Variants in ANKRD27 observed in about 807,000 individuals in gnomAD.
ANKRD27 encodes ankyrin repeat domain-containing protein 27.
In ANKRD27, 112 loss-of-function variants were observed where a neutral mutation model predicts 129.7. The observed-to-expected ratio is 0.86, with a 90% CI of 0.74 to 1.01. The LOEUF is 1.01. ANKRD27 is among the 50% of genes least tolerant of loss of function. ANKRD27 has a pLI of 0.00. For missense variants in ANKRD27, 1,258 were observed against 1,300.5 expected, an observed-to-expected ratio of 0.97 and a Z score of 0.50; for synonymous variants, 516 against 511.2, an observed-to-expected ratio of 1.01 and a Z score of -0.13.
chr19:32,611,860 C>T (rs74558262), intron 22 of ANKRD27, among the ~76,000 whole-genome samples: 7 of 152,096 alleles, frequency 4.6e-5, no homozygotes, highest in Non-Finnish European at 1.0e-4. Context: ...GGATTACAGG[C>T]GTGAGCCATC....
At chr19:32,600,105 T>C in intron 26 of ANKRD27, 55 bp from the exon 27 acceptor site, 2 of 1,300,438 alleles carry the variant, frequency 1.5e-6, no homozygotes, top group Non-Finnish European at 2.2e-6. Context: ...TAAAGATTAT[T>C]TTAAAATTAC....
Position 32,626,801 on chromosome 19 carries a change from C to T in ANKRD27, c.1447G>A (p.Val483Ile). Residue 483 changes from valine (V) to isoleucine (I), a missense_variant, in exon 16 of 29, where the codon GTT (valine) becomes ATT (isoleucine). By Grantham distance (29) the Val-to-Ile change is conservative (BLOSUM62 3). Transcript: ENST00000306065. Reference protein sequence around the residue: ...CGQASLIDLLVSKGAMVNATD... With the variant: ...CGQASLIDLLISKGAMVNATD... Reference sequence around the variant, plus strand: ...GCATTTACCATGGCGCCCTTGGAAACCAGGAGGTCGATGAGGGATGCCTGC... The same window carrying T: ...GCATTTACCATGGCGCCCTTGGAAATCAGGAGGTCGATGAGGGATGCCTGC... 6.2e-7 allele frequency: 1 copy of T among 1,611,514 alleles called. No individual in the cohort carries two copies. Among genetic ancestry groups the T allele is most frequent in the South Asian group, 1.1e-5 (1 of 90,468 alleles).
At chr19:32,665,906 C>T (rs1967745277) in intron 1 of ANKRD27, among the ~76,000 whole-genome samples, 1 of 151,480 alleles carries the variant, frequency 6.6e-6, no homozygotes, top group African/African-American at 2.4e-5. Context: ...AGACTACAGA[C>T]TACACGCCAC....
chr19:32,615,830 A>G (rs1224264464), intron 21 of ANKRD27, 50 bp from the exon 22 acceptor site: 24 of 1,590,104 alleles, frequency 1.5e-5, no homozygotes, highest in Admixed American at 5.2e-5. Context: ...GCGTCTTTGC[A>G]TGCACAATAT....
intron 12 of ANKRD27, chr19:32,637,365 C>T (rs1186995182): frequency 6.6e-6 from 1 of 152,186 alleles, no homozygotes; most frequent in African/African-American, 2.4e-5. Flanking sequence ...AACAGGCCAG[C>T]AGGACAACCA....
chr19:32,622,957 A>AT lies in ANKRD27; in HGVS notation c.1630-339dup, dbSNP rs77480294. 2.9e-3 allele frequency among the ~76,000 whole-genome samples: 401 copies of AT among 137,568 alleles called. 2 individuals are homozygous for AT. The highest frequency in any genetic ancestry group is 9.0e-3 in the African/African-American group (334 of 37,160). The allele number at this position is 137,568 out of a possible 152,430, so 90.2% of individuals were successfully genotyped here. On this transcript the variant is annotated intron_variant, in intron 17 of 28. Transcript: ENST00000306065. The stretch of plus-strand genomic sequence containing the variant: ...CATGCCTGGATGGTTTTTTTTTTTA[A>AT]TTTTTTTTTTTTCCTGTAGAGACAG...
intron 1 of ANKRD27, among the ~76,000 whole-genome samples, chr19:32,659,275 T>C (rs1000486858): frequency 6.6e-6 from 1 of 152,002 alleles, no homozygotes; most frequent in African/African-American, 2.4e-5. Context: ...AAGACAGGGT[T>C]TTGCCATGTT....
Position 32,628,174 on chromosome 19 carries a change from C to A in ANKRD27, c.1338-9G>T. 3.7e-6 allele frequency: 6 copies of A among 1,612,608 alleles called. No individual in the cohort carries two copies. The highest frequency in any genetic ancestry group is 4.2e-6 in the Non-Finnish European group (5 of 1,178,638). On this transcript the variant is annotated splice_polypyrimidine_tract_variant and intron_variant, in intron 14 of 28. Coordinates refer to ENST00000306065, the MANE Select transcript of ANKRD27 (RefSeq NM_032139.3). ...AGGGATCATTCAACCTCCTAAAATA[C>A]AGAAAGAGATAGAAAACTACACAGG...
Position 32,631,387 on chromosome 19 carries a change from G to A in ANKRD27, c.1209+15C>T. ...CTCACCCACATTTACCCACAGAGATGTCTTGGTATCTCACCTTAAACAGGC... is the reference window on the plus strand; with the variant it reads ...CTCACCCACATTTACCCACAGAGATATCTTGGTATCTCACCTTAAACAGGC... On this transcript the variant is annotated intron_variant, in intron 13 of 28. Transcript: ENST00000306065. 1 of 1,607,132 alleles carries A rather than the reference G, an allele frequency of 6.2e-7. No individual in the cohort carries two copies. The highest frequency in any genetic ancestry group is 1.7e-5 in the Admixed American group (1 of 59,978).
intron 28 of ANKRD27, 99 bp from the exon 29 acceptor site, chr19:32,598,477 A>G: frequency 9.1e-7 from 1 of 1,104,554 alleles, no homozygotes; most frequent in Non-Finnish European, 1.4e-6. Flanking sequence ...GTGTCACATA[A>G]TGTGCTCAGT....
chr19:32,642,626 ACT>A (rs1233094912), intron 9 of ANKRD27, among the ~76,000 whole-genome samples: 25 of 152,168 alleles, frequency 1.6e-4, no homozygotes, highest in Admixed American at 1.5e-3. Context: ...TAATCCCGCT[ACT>A]CGGGAGGCTG....
At position 32,605,858 on chromosome 19, in the gene ANKRD27, C is replaced by T. The variant is rs1387025332; in HGVS notation, c.2470G>A (p.Glu824Lys). ...ACCTGTAGCAGCAGTGCCACAAGCT[C>T]GTGATGGCCACCGGAGCAGGCGTAA... ...LIYACSGGHH[E>K]LVALLLQHGA... The change falls in exon 24 of 29, where the codon GAG becomes AAG. Residue 824 changes from glutamate (E) to lysine (K), a missense_variant. Physicochemically the swap from Glu to Lys is moderately conservative, Grantham distance 56. Coordinates refer to ENST00000306065, the MANE Select transcript of ANKRD27 (RefSeq NM_032139.3). 5.6e-6 allele frequency: 9 copies of T among 1,613,696 alleles called. No individual in the cohort carries two copies. The highest frequency in any genetic ancestry group is 5.0e-5 in the Admixed American group (3 of 59,974).
chr19:32,605,534 C>T (rs992367770), intron 24 of ANKRD27, among the ~76,000 whole-genome samples: 3 of 152,172 alleles, frequency 2.0e-5, no homozygotes, highest in Non-Finnish European at 4.4e-5. Flanking sequence ...GGGACAGAGG[C>T]GGCCACTCAG....
At chr19:32,645,847 G>A (rs1044295424) in intron 4 of ANKRD27, among the ~76,000 whole-genome samples, 8 of 151,894 alleles carry the variant, frequency 5.3e-5, no homozygotes, top group Admixed American at 3.9e-4. Flanking sequence ...TGTTGGTCAC[G>A]CTGGTCTTGA....
At chr19:32,641,088 A>C (rs1967192024) in intron 10 of ANKRD27, among the ~76,000 whole-genome samples, 1 of 151,706 alleles carries the variant, frequency 6.6e-6, no homozygotes, top group African/African-American at 2.4e-5. Context: ...TTTTTAGTAG[A>C]GACAGGGTTT....
At chr19:32,664,405 C>G (rs1211746416) in intron 1 of ANKRD27, among the ~76,000 whole-genome samples, 1 of 150,454 alleles carries the variant, frequency 6.6e-6, no homozygotes, top group Non-Finnish European at 1.5e-5. Context: ...GGTGGATCAC[C>G]TGAGGTCAGG....
chr19:32,627,995 G>C (rs984873223), intron 15 of ANKRD27, 88 bp downstream of exon 15: 1 of 1,230,658 alleles, frequency 8.1e-7, no homozygotes. Flanking sequence ...CCCCCACCCA[G>C]CCCATCAGCC....
At chr19:32,616,657 T>C (rs1027599807) in intron 21 of ANKRD27, among the ~76,000 whole-genome samples, 3 of 151,500 alleles carry the variant, frequency 2.0e-5, no homozygotes, top group Admixed American at 2.0e-4. Context: ...CAATGTCCAC[T>C]CATTTCACTG....
intron 2 of ANKRD27, 121 bp downstream of exon 2, chr19:32,658,793 C>A (rs1599772524): frequency 1.2e-6 from 1 of 864,976 alleles, no homozygotes; most frequent in Non-Finnish European, 1.9e-6. Flanking sequence ...ACAGACCAAG[C>A]ACACTGCTGG....
Sources: allele counts gnomAD v4.1 joint callset (sites outside exome capture counted in the v4.1 genomes callset), GRCh38; gene constraint gnomAD v4.1.1; transcripts MANE v1.5; gene names NCBI Gene and HGNC (gene_info 2026-07-23, HGNC 2026-07-21).